GALM: variants seen among roughly 807,000 people sequenced by gnomAD.
GALM encodes the protein galactose mutarotase.
Under a neutral mutation model 37.4 loss-of-function variants are expected in GALM, and 43 were observed. The ratio of observed to expected loss-of-function variants is 1.15; its 90% CI spans 0.90 to 1.48. The LOEUF (loss-of-function observed/expected upper bound fraction) is 1.48. GALM is among the 40% of genes most tolerant of loss of function. GALM has a pLI of 0.00. For synonymous variants in GALM, 199 were observed against 170.6 expected (o/e 1.17, Z -1.30); for missense variants, 456 against 419.1 (o/e 1.09, Z -0.77).
chr2:38,733,318 T>G (rs1666644007), intron 6 of GALM, among the ~76,000 whole-genome samples, 170 bp from the exon 7 acceptor site: 1 of 152,166 alleles, frequency 6.6e-6, no homozygotes, highest in South Asian at 2.1e-4. Context: ...AGTGTGCTTT[T>G]TTCACTCTGA....
intron 1 of GALM, among the ~76,000 whole-genome samples, chr2:38,670,600 G>A (rs1665076244): frequency 6.6e-6 from 1 of 152,186 alleles, no homozygotes; most frequent in Non-Finnish European, 1.5e-5. Flanking sequence ...GGATTGTGAT[G>A]ATTTAATGAG....
At chr2:38,666,386 C>T in intron 1 of GALM, 35 bp downstream of exon 1, 2 of 1,510,040 alleles carry the variant, frequency 1.3e-6, no homozygotes, top group Non-Finnish European at 1.8e-6. Flanking sequence ...GCGAGCAGGC[C>T]CCAGGCCCAC....
intron 1 of GALM, among the ~76,000 whole-genome samples, chr2:38,667,144 C>T (rs1469791730): frequency 6.6e-6 from 1 of 152,082 alleles, no homozygotes; most frequent in Non-Finnish European, 1.5e-5. Flanking sequence ...GGAAAATGTA[C>T]ATCATGCTCT....
At chr2:38,666,533 C>T (rs758268090) in intron 1 of GALM, among the ~76,000 whole-genome samples, 182 bp downstream of exon 1, 10 of 152,246 alleles carry the variant, frequency 6.6e-5, no homozygotes, top group Non-Finnish European at 1.5e-4. Context: ...TTGGGAAAAA[C>T]TGTAATAAAT....
At chr2:38,717,133 C>T (rs542425903) in intron 4 of GALM, among the ~76,000 whole-genome samples, 1 of 152,042 alleles carries the variant, frequency 6.6e-6, no homozygotes, top group East Asian at 2.0e-4. Flanking sequence ...GCCTGTAGTC[C>T]CAGCTACTCG....
In GALM at chr2:38,722,030, TCCCCCCCCCACC is replaced by T. The variant is rs1334588293; in HGVS notation, c.635-7516_635-7505del. 3.2e-3 allele frequency among the ~76,000 whole-genome samples: 134 copies of T among 41,358 alleles called. 4 individuals carry two copies. Among genetic ancestry groups the T allele is most frequent in the Admixed American group, 5.1e-3 (13 of 2,526 alleles). 27.1% of individuals were successfully genotyped at this position (41,358 alleles called of 152,430 possible). On this transcript the variant is annotated intron_variant, in intron 4 of 6. Coordinates refer to ENST00000272252, the MANE Select transcript of GALM (RefSeq NM_138801.3). ...GTCCCTCCCCAACTATGCCTTCCCT[TCCCCCCCCCACC>T]CCCCCCCCCCACCTAGAACAGAAGC...
intron 4 of GALM, among the ~76,000 whole-genome samples, chr2:38,696,275 ACACC>A: frequency 6.6e-6 from 1 of 150,688 alleles, no homozygotes; most frequent in East Asian, 2.0e-4. Flanking sequence ...ATGTGCCACC[ACACC>A]TGGCTAATTT....
rs186051607 is a variant in GALM, at chr2:38,682,779, C to A, written c.552+1293C>A. On this transcript the variant is annotated intron_variant, in intron 3 of 6. Coordinates refer to ENST00000272252, the MANE Select transcript of GALM (RefSeq NM_138801.3). Reference sequence around the variant, plus strand: ...GGCATGGTAGCGTGGGCCTGTAATCCCAGCTATTCGGGAGGCTGAGACAGG... The same window carrying A: ...GGCATGGTAGCGTGGGCCTGTAATCACAGCTATTCGGGAGGCTGAGACAGG... Among the ~76,000 whole-genome samples, 16 of 152,044 alleles carry A rather than the reference C, an allele frequency of 1.1e-4. No individual in the cohort carries two copies. The East Asian group carries it at 2.5e-3, about 24-fold the overall frequency.
chr2:38,669,101 C>T (rs897794558), intron 1 of GALM: 1 of 152,062 alleles, frequency 6.6e-6, no homozygotes, highest in African/African-American at 2.4e-5. Flanking sequence ...TTTTTAGTTA[C>T]AGTAAGAGAG....
rs1037322966 is a variant in GALM, at chr2:38,734,214, C to T, written c.*649C>T. ...GAGATCGAGACCATCCTGGCTAACA[C>T]GGTGAAACCCCGTCTCTACATAAAA... On this transcript the variant is annotated 3_prime_UTR_variant, in exon 7 of 7. Transcript: ENST00000272252. 17 of 155,430 alleles carry T rather than the reference C, an allele frequency of 1.1e-4. No individual in the cohort carries two copies. Among genetic ancestry groups the T allele is most frequent in the Admixed American group, 7.6e-4 (12 of 15,886 alleles). The allele number at this position is 155,430 out of a possible 1,614,324, so 9.6% of individuals were successfully genotyped here. A position where few individuals can be genotyped will look rare whatever the true frequency, so the allele number is the denominator to read the frequency against.
At chr2:38,731,963 AC>A (rs1666618468) in intron 6 of GALM, 54 bp downstream of exon 6, 2 of 1,386,122 alleles carry the variant, frequency 1.4e-6, no homozygotes, top group Non-Finnish European at 2.0e-6. Flanking sequence ...GTCACACTGT[AC>A]GACAGAGTTC....
intron 4 of GALM, among the ~76,000 whole-genome samples, chr2:38,710,943 G>A (rs1241746717): frequency 1.3e-5 from 2 of 150,842 alleles, no homozygotes; most frequent in South Asian, 2.1e-4. Context: ...TAGTAGAGAC[G>A]GGGATTCACC....
intron 4 of GALM, among the ~76,000 whole-genome samples, chr2:38,691,567 C>T (rs1484911817): frequency 1.3e-5 from 2 of 151,632 alleles, no homozygotes; most frequent in Admixed American, 6.6e-5. Flanking sequence ...ACCTGGGGTC[C>T]CAGCTACTCA....
intron 4 of GALM, among the ~76,000 whole-genome samples, chr2:38,699,063 A>G (rs552155785): frequency 1.1e-3 from 171 of 151,678 alleles, no homozygotes; most frequent in Non-Finnish European, 1.9e-3. Context: ...ACAAACGCCC[A>G]CCACCATGCC....
chr2:38,728,343 G>C (rs1231492453), intron 4 of GALM, among the ~76,000 whole-genome samples: 1 of 151,628 alleles, frequency 6.6e-6, no homozygotes, highest in Non-Finnish European at 1.5e-5. Context: ...GCAGTGAGCT[G>C]AGATTGTGCC....
intron 2 of GALM, among the ~76,000 whole-genome samples, chr2:38,680,806 T>G (rs182349032): frequency 4.7e-5 from 7 of 148,708 alleles, no homozygotes; most frequent in African/African-American, 1.5e-4. Context: ...GAATGGGGAG[T>G]GTGAGAAGGT....
At chr2:38,680,149 G>T in intron 2 of GALM, 1 of 431,418 alleles carries the variant, frequency 2.3e-6, no homozygotes, top group African/African-American at 2.1e-5. Context: ...CTCCCGAGTA[G>T]CTAGGACTAC....
Position 38,691,719 on chromosome 2 carries a change from C to T in GALM, c.634+1825C>T, listed in dbSNP as rs550774960. On this transcript the variant is annotated intron_variant, in intron 4 of 6. Transcript: ENST00000272252. ...AATTGGGAATATATGTGTTATATTTCAGTAGTTTTTTTTTTTTTTTAAAAA... is the reference window on the plus strand; with the variant it reads ...AATTGGGAATATATGTGTTATATTTTAGTAGTTTTTTTTTTTTTTTAAAAA... Among the ~76,000 whole-genome samples the T allele has an allele frequency of 9.1e-4, 131 of 143,822 alleles. 3 individuals are homozygous for T. In the South Asian group the frequency reaches 0.028, roughly 31 times the overall value. 94.4% of individuals were successfully genotyped at this position (143,822 alleles called of 152,430 possible). A position where few individuals can be genotyped will look rare whatever the true frequency, so the allele number is the denominator to read the frequency against.
intron 4 of GALM, among the ~76,000 whole-genome samples, chr2:38,726,073 T>C (rs1449983704): frequency 6.6e-6 from 1 of 152,080 alleles, no homozygotes; most frequent in Non-Finnish European, 1.5e-5. Context: ...GTCACACTGC[T>C]ATCTAGGATT....
Sources: allele counts gnomAD v4.1 joint callset (sites outside exome capture counted in the v4.1 genomes callset), GRCh38; gene constraint gnomAD v4.1.1; transcripts MANE v1.5; gene names NCBI Gene and HGNC (gene_info 2026-07-23, HGNC 2026-07-21).